CYP2S1: variants seen among roughly 807,000 people sequenced by gnomAD.
CYP2S1 encodes cytochrome P450 2S1.
In CYP2S1, 32 loss-of-function variants were observed where a neutral mutation model predicts 43.5. That is an observed-to-expected ratio of 0.74 (90% CI 0.56 to 0.99). CYP2S1 has a LOEUF of 0.99. Ranked by LOEUF, CYP2S1 falls within the 50% of genes least tolerant of loss-of-function variation. The probability of loss-of-function intolerance (pLI) is 0.00; values close to 1 mark genes in which losing one functional copy is unlikely to be tolerated. For synonymous variants in CYP2S1, 283 were observed against 302.9 expected, an observed-to-expected ratio of 0.93 and a Z score of 0.68; for missense variants, 575 against 673.9, an observed-to-expected ratio of 0.85 and a Z score of 1.62.
At chr19:41,200,844 A>G (rs1356446276) in intron 5 of CYP2S1, among the ~76,000 whole-genome samples, 1 of 152,110 alleles carries the variant, frequency 6.6e-6, no homozygotes, top group Non-Finnish European at 1.5e-5. Context: ...CCTGTGGAAA[A>G]TGGTACAGCA....
chr19:41,198,423 C>A lies in CYP2S1; in HGVS notation c.494-39C>A. 1 of 1,607,002 alleles carries A rather than the reference C, an allele frequency of 6.2e-7. No homozygotes were observed. ...CTCCAACCTGCTCCCCTCTGCCTGG[C>A]TCCATCACAGCCTACCTCCCTGCCC... On this transcript the variant is annotated intron_variant, in intron 3 of 8. Coordinates refer to ENST00000310054, the MANE Select transcript of CYP2S1 (RefSeq NM_030622.8). The surrounding 1 kb of genome is among the most constrained non-coding windows in gnomAD (Gnocchi z 4.9).
In CYP2S1 at chr19:41,198,735, G is replaced by A; in HGVS notation, c.681G>A (p.Leu227=). 6.2e-7 allele frequency: 1 copy of A among 1,614,126 alleles called. No individual in the cohort carries two copies. Among genetic ancestry groups the A allele is most frequent in the Non-Finnish European group, 8.5e-7 (1 of 1,180,010 alleles). The change falls in exon 5 of 9, where the codon CTG becomes CTA. Residue 227 remains leucine, a synonymous_variant. Transcript: ENST00000310054. This position sits in a 1 kb window ranked among gnomAD's most constrained non-coding sequence, Gnocchi z 4.9. ...CCTACGAGATGTTCTCCTGGTTCCT[G>A]CGGCCCCTGCCAGGCCCCCACAAGC... ...GQTYEMFSWF[L]RPLPGPHKQL...
Position 41,198,984 on chromosome 19 carries a change from TC to T in CYP2S1, c.834+97del, listed in dbSNP as rs1286406371. The T allele has an allele frequency of 1.5e-6, 2 of 1,368,226 alleles. No homozygotes were observed. The highest frequency in any genetic ancestry group is 3.4e-5 in the African/African-American group (2 of 59,276). 84.8% of individuals were successfully genotyped at this position (1,368,226 alleles called of 1,614,324 possible). ...CCTGGGGACCTCAATTGGGTTCCTC[TC>T]TCTTTCTCTCTCTGCATGTCTCTGT... On this transcript the variant is annotated intron_variant, in intron 5 of 8. Transcript: ENST00000310054. The surrounding 1 kb of genome is among the most constrained non-coding windows in gnomAD (Gnocchi z 4.9).
intron 1 of CYP2S1, 197 bp downstream of exon 1, chr19:41,193,638 G>A (rs1418929377): frequency 2.6e-6 from 3 of 1,140,350 alleles, no homozygotes; most frequent in African/African-American, 3.2e-5. Flanking sequence ...AGGTGCCCGG[G>A]AGAGAGGATC....
intron 5 of CYP2S1, among the ~76,000 whole-genome samples, chr19:41,199,442 A>G (rs1242608643): frequency 1.3e-5 from 2 of 152,058 alleles, no homozygotes; most frequent in Middle Eastern, 3.4e-3. Flanking sequence ...GTACAGTTGC[A>G]AAATCATAGC....
Position 41,207,224 on chromosome 19 carries a change from T to C in CYP2S1, c.*736T>C, listed in dbSNP as rs907291365. On this transcript the variant is annotated 3_prime_UTR_variant, in exon 9 of 9. Transcript: ENST00000310054. ...TGATTCTACCAAATGCAAACACATC[T>C]GGGTCTGCGATTATGCACAGAGACT... 2.0e-5 allele frequency: 5 copies of C among 254,654 alleles called. No homozygotes were observed. The highest frequency in any genetic ancestry group is 3.9e-5 in the Non-Finnish European group (5 of 128,608). 15.8% of individuals were successfully genotyped at this position (254,654 alleles called of 1,614,324 possible).
chr19:41,194,513 C>A, intron 1 of CYP2S1, 31 bp from the exon 2 acceptor site: 1 of 1,547,072 alleles, frequency 6.5e-7, no homozygotes, highest in Admixed American at 2.2e-5. Context: ...GAGGTCACAG[C>A]ACCCTCCTCT....
chr19:41,195,293 G>C (rs1376079575), intron 2 of CYP2S1, among the ~76,000 whole-genome samples: 1 of 152,174 alleles, frequency 6.6e-6, no homozygotes, highest in Non-Finnish European at 1.5e-5. Flanking sequence ...CAAGGTGCTG[G>C]GGATTGGTGG....
At chr19:41,203,777 C>T (rs1367179140) in intron 7 of CYP2S1, 140 bp downstream of exon 7, 2 of 886,978 alleles carry the variant, frequency 2.3e-6, no homozygotes, top group Non-Finnish European at 3.2e-6. Flanking sequence ...CCCTCTCTTT[C>T]TCTGTCTCTG....
At chr19:41,202,003 G>T (rs2033496112) in intron 6 of CYP2S1, among the ~76,000 whole-genome samples, 1 of 151,858 alleles carries the variant, frequency 6.6e-6, no homozygotes, top group Admixed American at 6.6e-5. Context: ...TACTTTTTGT[G>T]GGGGATAGAC....
At chr19:41,194,413 A>G in intron 1 of CYP2S1, 131 bp from the exon 2 acceptor site, 2 of 1,201,072 alleles carry the variant, frequency 1.7e-6, no homozygotes, top group Non-Finnish European at 2.2e-6. Context: ...TTCTGCTGGG[A>G]TGGGGGCAGG....
At position 41,205,418 on chromosome 19, in the gene CYP2S1, TTC is replaced by T. The variant is rs11311956; in HGVS notation, c.1165-526_1165-525del. 3.3e-3 allele frequency among the ~76,000 whole-genome samples: 290 copies of T among 87,944 alleles called. 1 individual carries two copies. Among genetic ancestry groups the T allele is most frequent in the East Asian group, 5.1e-3 (19 of 3,744 alleles). 57.7% of individuals were successfully genotyped at this position (87,944 alleles called of 152,430 possible). On this transcript the variant is annotated intron_variant, in intron 7 of 8. Coordinates refer to ENST00000310054, the MANE Select transcript of CYP2S1 (RefSeq NM_030622.8). Reference sequence around the variant, plus strand: ...TTTCTTTCTCTCTTTCTTTCTTTCTTTCTCTCTCTCTCTCTTTCTTTCTTTTC... The same window carrying T: ...TTTCTTTCTCTCTTTCTTTCTTTCTTTCTCTCTCTCTCTTTCTTTCTTTTC...
Position 41,197,860 on chromosome 19 carries a change from A to T in CYP2S1, c.425A>T (p.Lys142Met). 1.2e-6 allele frequency: 2 copies of T among 1,614,124 alleles called. No homozygotes were observed. Among genetic ancestry groups the T allele is most frequent in the Non-Finnish European group, 8.5e-7 (1 of 1,180,030 alleles). ...GCTCTGCGGGACCTGGGCATGGGGA[A>T]GCGAGAAGGCGAGGAGCTGATCCAG... ...MLALRDLGMGKREGEELIQAE... is the reference protein window; with the variant it reads ...MLALRDLGMGMREGEELIQAE... The change falls in exon 3 of 9, where the codon AAG becomes ATG. Residue 142 changes from lysine to methionine, a missense_variant. Physicochemically the swap from Lys to Met is moderately conservative, Grantham distance 95. This residue lies in a region of CYP2S1 where 353 missense variants were observed against 367.6 expected (regional missense o/e 0.96). Transcript: ENST00000310054.
At chr19:41,195,359 C>T (rs1279103062) in intron 2 of CYP2S1, among the ~76,000 whole-genome samples, 5 of 152,054 alleles carry the variant, frequency 3.3e-5, no homozygotes, top group Non-Finnish European at 5.9e-5. Context: ...AGCAGGAGGC[C>T]CATGCTGGGT....
rs202034225 is a variant in CYP2S1, at chr19:41,194,680, C to A, written c.314C>A (p.Ala105Glu). ...AEEFSGRGTV[A>E]MLEGTFDGHG... is the part of the protein sequence containing the mutation. Reference sequence around the variant, plus strand: ...GAGTTCAGCGGCCGGGGAACCGTAGCGATGCTGGAAGGGACTTTTGATGGC... The same window carrying A: ...GAGTTCAGCGGCCGGGGAACCGTAGAGATGCTGGAAGGGACTTTTGATGGC... Residue 105 changes from alanine to glutamate, a missense_variant, in exon 2 of 9, where the codon GCG becomes GAG. Physicochemically the swap from Ala to Glu is moderately radical, Grantham distance 107. This residue lies in a region of CYP2S1 where 353 missense variants were observed against 367.6 expected (regional missense o/e 0.96). Coordinates refer to ENST00000310054, the MANE Select transcript of CYP2S1 (RefSeq NM_030622.8). The A allele has an allele frequency of 6.2e-7, 1 of 1,612,024 alleles. No individual in the cohort carries two copies.
chr19:41,205,384 C>CTTTCTTTCTT (rs1568402554), intron 7 of CYP2S1, among the ~76,000 whole-genome samples: 47 of 36,370 alleles, frequency 1.3e-3, no homozygotes, highest in East Asian at 8.7e-3. Flanking sequence ...CTTTCTTTCT[C>CTTTCTTTCTT]TCTCTCTCTT....
chr19:41,201,023 AGCCGAGATCGT>A (rs1162523913), intron 5 of CYP2S1, among the ~76,000 whole-genome samples, 197 bp from the exon 6 acceptor site: 1 of 152,094 alleles, frequency 6.6e-6, no homozygotes, highest in Non-Finnish European at 1.5e-5. Flanking sequence ...GGTTGCAGTG[AGCCGAGATCGT>A]GCCACTGCAC....
intron 2 of CYP2S1, among the ~76,000 whole-genome samples, chr19:41,197,419 G>A (rs969422417): frequency 1.3e-5 from 2 of 152,054 alleles, no homozygotes; most frequent in Admixed American, 6.6e-5. Flanking sequence ...AGGAGGAATC[G>A]GCCGGGCGCG....
At position 41,201,266 on chromosome 19, in the gene CYP2S1, G is replaced by GA. The variant is rs2033485455; in HGVS notation, c.872dup (p.Asn291LysfsTer40). ...ACCCAGGCACAGAATTCACCAACAA[G>GA]AACATGCTGATGACAGTCATTTATT... On this transcript the variant is annotated frameshift_variant, in exon 6 of 9. Transcript: ENST00000310054. LOFTEE classifies it high-confidence loss of function. 1 of 1,614,022 alleles carries GA rather than the reference G, an allele frequency of 6.2e-7. No individual in the cohort carries two copies. Among genetic ancestry groups the GA allele is most frequent in the Non-Finnish European group, 8.5e-7 (1 of 1,180,028 alleles).
Sources: gnomAD v4.1 joint callset for allele counts (sites outside exome capture counted in the v4.1 genomes callset) on GRCh38, gnomAD v4.1.1 for gene constraint, gnomAD v4.1.1 regional missense constraint, Gnocchi (gnomAD v3.1) non-coding constraint, MANE v1.5 for transcripts, NCBI Gene and HGNC (gene_info 2026-07-23, HGNC 2026-07-21) for gene names.